C10orf90: variants seen among roughly 807,000 people sequenced by gnomAD.
C10orf90 encodes the protein chromosome 10 open reading frame 90.
C10orf90 carries 56 observed loss-of-function variants against 62.5 expected under a neutral mutation model. That is an observed-to-expected ratio of 0.90 (90% CI 0.72 to 1.12). C10orf90 has a LOEUF of 1.12. Among genes scored for constraint, C10orf90 ranks in the 50% most tolerant of loss-of-function variants. The probability of loss-of-function intolerance (pLI) is 0.00; values close to 1 mark genes in which losing one functional copy is unlikely to be tolerated. For synonymous variants in C10orf90, 386 were observed against 340.4 expected, an observed-to-expected ratio of 1.13 and a Z score of -1.47; for missense variants, 970 against 880.4, an observed-to-expected ratio of 1.10 and a Z score of -1.29.
intron 2 of C10orf90, among the ~76,000 whole-genome samples, chr10:126,623,983 C>T (rs1845696507): frequency 6.6e-6 from 1 of 152,112 alleles, no homozygotes; most frequent in South Asian, 2.1e-4. Context: ...TCCACCATCG[C>T]ATTTTGGGGT....
intron 2 of C10orf90, among the ~76,000 whole-genome samples, chr10:126,533,117 G>C (rs888476690): frequency 7.3e-5 from 11 of 151,576 alleles, no homozygotes; most frequent in African/African-American, 2.7e-4. Flanking sequence ...TGTATTTTTA[G>C]TAGAGATGGG....
chr10:126,430,230 A>G (rs971495145), intron 7 of C10orf90, among the ~76,000 whole-genome samples: 1 of 152,170 alleles, frequency 6.6e-6, no homozygotes, highest in Non-Finnish European at 1.5e-5. Flanking sequence ...AAGGACAAGG[A>G]AATCCCCCAC....
intron 1 of C10orf90, among the ~76,000 whole-genome samples, chr10:126,670,017 C>T (rs917705342): frequency 3.3e-5 from 5 of 152,124 alleles, no homozygotes; most frequent in African/African-American, 9.7e-5. Flanking sequence ...CATGTGTCAT[C>T]GTAAATTAAC....
chr10:126,591,484 TA>T (rs1424164330), intron 2 of C10orf90, among the ~76,000 whole-genome samples: 1 of 152,102 alleles, frequency 6.6e-6, no homozygotes, highest in African/African-American at 2.4e-5. Flanking sequence ...AGGCCTTCAA[TA>T]AAATTCAACA....
intron 2 of C10orf90, among the ~76,000 whole-genome samples, chr10:126,630,959 C>T (rs1347303113): frequency 6.6e-6 from 1 of 152,152 alleles, no homozygotes; most frequent in Non-Finnish European, 1.5e-5. Context: ...TCATTCATAC[C>T]GTCAAGGGAG....
At chr10:126,565,430 T>TTATATAATAATATATATTATAC (rs1262527683) in intron 2 of C10orf90, among the ~76,000 whole-genome samples, 219 of 11,792 alleles carry the variant, frequency 0.019, 6 homozygotes, top group African/African-American at 0.041. Flanking sequence ...ATATATTATA[T>TTATATAATAATATATATTATAC]ATATTATACA....
At chr10:126,542,464 C>T (rs961687603) in intron 2 of C10orf90, among the ~76,000 whole-genome samples, 2 of 151,996 alleles carry the variant, frequency 1.3e-5, no homozygotes, top group African/African-American at 4.8e-5. Flanking sequence ...GATTGTGCCA[C>T]TGCACTCCAG....
intron 2 of C10orf90, among the ~76,000 whole-genome samples, chr10:126,526,271 G>T (rs1863941930): frequency 6.9e-6 from 1 of 144,660 alleles, no homozygotes; most frequent in African/African-American, 2.6e-5. Context: ...TTGAGACTCA[G>T]TCTCACTCTG....
intron 1 of C10orf90, among the ~76,000 whole-genome samples, chr10:126,655,180 T>C (rs1221679155): frequency 1.3e-5 from 2 of 152,032 alleles, no homozygotes; most frequent in East Asian, 1.9e-4. Context: ...TAGCTGGGCA[T>C]GGTGGCACGT....
In C10orf90 at chr10:126,518,672, C is replaced by T. The variant is rs559001899; in HGVS notation, c.314-4733G>A. Among the ~76,000 whole-genome samples the T allele has an allele frequency of 3.9e-5, 6 of 152,306 alleles. No individual in the cohort carries two copies. The South Asian group carries it at 1.0e-3, about 26-fold the overall frequency. On this transcript the variant is annotated intron_variant, in intron 2 of 9. Transcript: ENST00000488181. ...ACTCACTTGTGTTTGCTGCCCAGCA[C>T]GCCTGCCCTCTGTGCCCAGGGAGTG...
chr10:126,467,426 A>C (rs954460651), intron 4 of C10orf90, among the ~76,000 whole-genome samples: 2 of 152,208 alleles, frequency 1.3e-5, no homozygotes, highest in African/African-American at 4.8e-5. Flanking sequence ...CATGCACTCC[A>C]CGTGCGAGTG....
intron 4 of C10orf90, among the ~76,000 whole-genome samples, chr10:126,480,453 T>G (rs1439291162): frequency 2.0e-5 from 3 of 152,262 alleles, no homozygotes; most frequent in Non-Finnish European, 4.4e-5. Flanking sequence ...CTTTTCCCAT[T>G]GCTTGAATTT....
intron 3 of C10orf90, among the ~76,000 whole-genome samples, chr10:126,509,116 G>A (rs1035324108): frequency 6.6e-6 from 1 of 152,154 alleles, no homozygotes; most frequent in African/African-American, 2.4e-5. Context: ...CATTAAGTGG[G>A]GCCTGGCAAA....
intron 4 of C10orf90, among the ~76,000 whole-genome samples, chr10:126,472,974 C>T (rs1860661906): frequency 6.6e-6 from 1 of 152,178 alleles, no homozygotes; most frequent in Non-Finnish European, 1.5e-5. Context: ...GTGGGTTTCT[C>T]CTGCTCCCTC....
rs548487909 is a variant in C10orf90 at position 126,563,980 on chromosome 10, T to C, written c.314-50041A>G. ...CAGTCTCTGCATGAGGGCTGTCCTGTGCCTTGTGGGAAGTTAGCAGCATCC... is the reference window on the plus strand; with the variant it reads ...CAGTCTCTGCATGAGGGCTGTCCTGCGCCTTGTGGGAAGTTAGCAGCATCC... On this transcript the variant is annotated intron_variant, in intron 2 of 9. Coordinates refer to ENST00000488181, the MANE Select transcript of C10orf90 (RefSeq NM_001350921.2). Among the ~76,000 whole-genome samples, 26 of 152,250 alleles carry C rather than the reference T, an allele frequency of 1.7e-4. 1 individual carries two copies. In the South Asian group the frequency reaches 5.2e-3, roughly 30 times the overall value.
intron 1 of C10orf90, among the ~76,000 whole-genome samples, chr10:126,661,543 A>T (rs1032169273): frequency 6.6e-6 from 1 of 152,160 alleles, no homozygotes; most frequent in Non-Finnish European, 1.5e-5. Context: ...TGAAATGTGG[A>T]TATGGTTTCC....
chr10:126,525,860 T>C (rs1439225292), intron 2 of C10orf90, among the ~76,000 whole-genome samples: 1 of 152,150 alleles, frequency 6.6e-6, no homozygotes, highest in Non-Finnish European at 1.5e-5. Context: ...TTTTTGCTGT[T>C]GTTGTTGTTT....
intron 2 of C10orf90, among the ~76,000 whole-genome samples, chr10:126,581,860 G>A (rs895706486): frequency 2.6e-5 from 4 of 152,168 alleles, no homozygotes; most frequent in Non-Finnish European, 5.9e-5. Flanking sequence ...GGACTGATTC[G>A]GACAGGTGCT....
chr10:126,626,260 T>A (rs1285976162), intron 2 of C10orf90, among the ~76,000 whole-genome samples: 1 of 152,030 alleles, frequency 6.6e-6, no homozygotes, highest in Middle Eastern at 3.2e-3. Flanking sequence ...CCTCCACTGC[T>A]CTGTCCACCC....
Sources: allele counts gnomAD v4.1 joint callset (sites outside exome capture counted in the v4.1 genomes callset), GRCh38; gene constraint gnomAD v4.1.1; transcripts MANE v1.5; gene names NCBI Gene and HGNC (gene_info 2026-07-23, HGNC 2026-07-21).